The following HADH variants were observed in gnomAD, a reference collection of about 807,000 sequenced individuals.
HADH encodes hydroxyacyl-coenzyme A dehydrogenase, mitochondrial.
In HADH, 24 loss-of-function variants were observed where a neutral mutation model predicts 32.2. The ratio of observed to expected loss-of-function variants is 0.75; its 90% CI spans 0.54 to 1.05. HADH has a LOEUF of 1.05. Ranked by LOEUF, HADH falls within the 50% of genes least tolerant of loss-of-function variation. The pLI, the probability that HADH is intolerant of heterozygous loss-of-function variation, is 0.00. For missense variants in HADH, 350 were observed against 397.1 expected, an observed-to-expected ratio of 0.88 and a Z score of 1.01; for synonymous variants, 139 against 152.5, an observed-to-expected ratio of 0.91 and a Z score of 0.65.
chr4:108,003,047 G>A (rs1471581476), intron 1 of HADH, among the ~76,000 whole-genome samples: 1 of 151,204 alleles, frequency 6.6e-6, no homozygotes, highest in Admixed American at 6.6e-5. Context: ...AAGACATAGA[G>A]GCTTCGTAGC....
intron 1 of HADH, among the ~76,000 whole-genome samples, chr4:108,009,048 G>A (rs1735386263): frequency 1.3e-5 from 2 of 152,202 alleles, no homozygotes; most frequent in African/African-American, 4.8e-5. Context: ...GGGTGGCATG[G>A]TGAAGGCAGG....
intron 6 of HADH, chr4:108,028,048 G>A (rs1736124172): frequency 6.0e-6 from 3 of 502,782 alleles, no homozygotes; most frequent in East Asian, 6.5e-5. Context: ...TGATATCCTG[G>A]ATCTCTGCTT....
chr4:108,003,238 G>C (rs1560724649), intron 1 of HADH, among the ~76,000 whole-genome samples: 1 of 151,898 alleles, frequency 6.6e-6, no homozygotes, highest in Non-Finnish European at 1.5e-5. Flanking sequence ...TTGGTGTCTG[G>C]TGCAGACCTA....
chr4:108,017,410 G>A (rs986527496), intron 3 of HADH, among the ~76,000 whole-genome samples: 1 of 152,058 alleles, frequency 6.6e-6, no homozygotes, highest in African/African-American at 2.4e-5. Context: ...TAGGGTCTGG[G>A]GCCATTGCTA....
chr4:108,018,982 A>T (rs1365908277), intron 3 of HADH, among the ~76,000 whole-genome samples: 2 of 152,096 alleles, frequency 1.3e-5, no homozygotes, highest in African/African-American at 4.8e-5. Flanking sequence ...ATTTTTTTGA[A>T]CCATGTTGGT....
chr4:107,996,759 T>A (rs561930246), intron 1 of HADH, among the ~76,000 whole-genome samples: 8 of 151,930 alleles, frequency 5.3e-5, no homozygotes, highest in Non-Finnish European at 1.0e-4. Context: ...CTGAGCATGG[T>A]GACACATGCC....
chr4:107,993,192 A>G (rs949508091), intron 1 of HADH, among the ~76,000 whole-genome samples: 21 of 151,456 alleles, frequency 1.4e-4, no homozygotes, highest in African/African-American at 4.4e-4. Context: ...CCTCATATCC[A>G]CTCCCATCCT....
chr4:108,032,435 T>A, intron 6 of HADH: 1 of 1,039,236 alleles, frequency 9.6e-7, no homozygotes, highest in Non-Finnish European at 1.5e-6. Flanking sequence ...TCCTTACTTG[T>A]AAAACCCAAA....
chr4:108,004,909 G>GCCTC, intron 1 of HADH: 1 of 1,535,314 alleles, frequency 6.5e-7, no homozygotes, highest in East Asian at 2.4e-5. Flanking sequence ...GGAGGCTATT[G>GCCTC]TTAAAGAGGT....
At position 107,990,081 on chromosome 4, in the gene HADH, G is replaced by A. The variant is rs1734729623; in HGVS notation, c.132+17G>A. On this transcript the variant is annotated intron_variant, in intron 1 of 7. Transcript: ENST00000309522. The stretch of plus-strand genomic sequence containing the variant: ...ATTGCCCAGGTGAGCGGCCCTCCCT[G>A]CAGCGTGCCCACGCGCTTGGCCGCC... The A allele has an allele frequency of 6.2e-7, 1 of 1,600,426 alleles. No homozygotes were observed. Among genetic ancestry groups the A allele is most frequent in the African/African-American group, 1.3e-5 (1 of 74,798 alleles).
At chr4:108,029,282 T>G (rs1285700663) in intron 6 of HADH, 1 of 181,460 alleles carries the variant, frequency 5.5e-6, no homozygotes, top group Non-Finnish European at 1.1e-5. Flanking sequence ...ATCTGGAGGC[T>G]CCTTCTCGTC....
At chr4:108,032,422 T>G (rs763204437) in intron 6 of HADH, 1 of 1,282,912 alleles carries the variant, frequency 7.8e-7, no homozygotes, top group South Asian at 1.2e-5. Flanking sequence ...GCCAGGGGAA[T>G]ACTCCTTACT....
At chr4:108,027,854 A>G in intron 6 of HADH, 94 bp downstream of exon 6, 1 of 786,538 alleles carries the variant, frequency 1.3e-6, no homozygotes, top group Non-Finnish European at 2.3e-6. Context: ...CGGGCCGTGC[A>G]CAATGGAGGA....
At chr4:108,008,057 A>C (rs1735345987) in intron 1 of HADH, among the ~76,000 whole-genome samples, 1 of 152,184 alleles carries the variant, frequency 6.6e-6, no homozygotes, top group Non-Finnish European at 1.5e-5. Context: ...CAACACAATA[A>C]ATTGTGACCT....
chr4:108,005,188 T>C, intron 1 of HADH: 1 of 250,662 alleles, frequency 4.0e-6, no homozygotes, highest in Non-Finnish European at 7.8e-6. Context: ...AAACTTACAT[T>C]AAACAATCTT....
chr4:108,003,276 G>A (rs943736803), intron 1 of HADH, among the ~76,000 whole-genome samples: 2 of 152,156 alleles, frequency 1.3e-5, no homozygotes. Context: ...GGGGAAGAAG[G>A]CTGTCTGCAC....
At chr4:107,991,365 G>A (rs1734802145) in intron 1 of HADH, among the ~76,000 whole-genome samples, 1 of 151,982 alleles carries the variant, frequency 6.6e-6, no homozygotes, top group Non-Finnish European at 1.5e-5. Context: ...TTCCAACCAA[G>A]TCCACGCTTT....
At chr4:108,010,028 C>CTTTTT in intron 2 of HADH, 141 bp downstream of exon 2, 1 of 641,330 alleles carries the variant, frequency 1.6e-6, no homozygotes. Flanking sequence ...TTTTCCATAA[C>CTTTTT]TTTAAACCAA....
At chr4:108,022,024 T>A (rs141836399) in intron 4 of HADH, among the ~76,000 whole-genome samples, 121 of 152,230 alleles carry the variant, frequency 7.9e-4, no homozygotes, top group African/African-American at 2.9e-3. Context: ...CAGACGGCCC[T>A]CTTGCACAGG....
Sources: allele counts gnomAD v4.1 joint callset (sites outside exome capture counted in the v4.1 genomes callset), GRCh38; gene constraint gnomAD v4.1.1; transcripts MANE v1.5; gene names NCBI Gene and HGNC (gene_info 2026-07-23, HGNC 2026-07-21).